Variants in SORBS2 observed in about 807,000 individuals in gnomAD.
SORBS2 encodes the protein sorbin and SH3 domain containing 2.
A neutral mutation model predicts 97.7 loss-of-function variants in SORBS2; 46 were observed. The observed-to-expected ratio is 0.47, with a 90% CI of 0.37 to 0.60. The LOEUF is 0.60. Among genes scored for constraint, SORBS2 ranks in the 20% least tolerant of loss-of-function variants. The probability of loss-of-function intolerance (pLI) is 0.00; values close to 1 mark genes in which losing one functional copy is unlikely to be tolerated. For synonymous variants in SORBS2, 476 were observed against 473.4 expected (o/e 1.01, Z -0.07); for missense variants, 1,316 against 1,282.3 (o/e 1.03, Z -0.40).
intron 6 of SORBS2, among the ~76,000 whole-genome samples, chr4:185,625,587 A>T (rs562341748): frequency 3.3e-5 from 5 of 152,328 alleles, no homozygotes; most frequent in African/African-American, 1.2e-4. Context: ...AACCCTTTTA[A>T]CTTTTGGCTA....
intron 2 of SORBS2, among the ~76,000 whole-genome samples, chr4:185,721,095 T>TTTTTTC (rs2098510191): frequency 6.9e-6 from 1 of 144,074 alleles, no homozygotes; most frequent in African/African-American, 2.6e-5. Context: ...TTTTTTTTTT[T>TTTTTTC]TTTTTTTTTT....
intron 2 of SORBS2, chr4:185,773,619 T>C (rs894799894): frequency 6.6e-6 from 1 of 152,224 alleles, no homozygotes; most frequent in African/African-American, 2.4e-5. Flanking sequence ...CGTCCTTGAC[T>C]GGGACTTAAA....
intron 2 of SORBS2, among the ~76,000 whole-genome samples, chr4:185,698,475 A>G (rs930851865): frequency 1.3e-5 from 2 of 150,318 alleles, no homozygotes; most frequent in African/African-American, 4.8e-5. Context: ...CCTGGGTGAC[A>G]GAGCAAGACT....
At chr4:185,945,500 G>C (rs981284712) in intron 1 of SORBS2, among the ~76,000 whole-genome samples, 1 of 152,122 alleles carries the variant, frequency 6.6e-6, no homozygotes, top group African/African-American at 2.4e-5. Context: ...GTTATTTCCC[G>C]ATCATTGCAC....
chr4:185,815,919 T>A (rs2099193004), intron 1 of SORBS2, among the ~76,000 whole-genome samples: 1 of 152,232 alleles, frequency 6.6e-6, no homozygotes, highest in Non-Finnish European at 1.5e-5. Context: ...AAAATGAGAA[T>A]AAAAATAGTG....
intron 2 of SORBS2, among the ~76,000 whole-genome samples, chr4:185,714,463 T>C (rs1002112390): frequency 4.1e-5 from 6 of 148,076 alleles, no homozygotes; most frequent in African/African-American, 1.5e-4. Flanking sequence ...CTTTTTTTTT[T>C]CACCTCATCA....
chr4:185,596,327 CG>C (rs1425600657), intron 12 of SORBS2, among the ~76,000 whole-genome samples: 49 of 152,064 alleles, frequency 3.2e-4, no homozygotes, highest in African/African-American at 1.2e-3. Flanking sequence ...TTTTAAAGTC[CG>C]TATATCCCTT....
chr4:185,929,759 C>T (rs906408921), intron 1 of SORBS2, among the ~76,000 whole-genome samples: 5 of 152,150 alleles, frequency 3.3e-5, no homozygotes, highest in Non-Finnish European at 7.3e-5. Context: ...TGGTCTCGAT[C>T]TCTTGACCTC....
chr4:185,734,328 G>A (rs1457350150), intron 2 of SORBS2, among the ~76,000 whole-genome samples, 174 bp from the exon 3 acceptor site: 1 of 152,106 alleles, frequency 6.6e-6, no homozygotes, highest in African/African-American at 2.4e-5. Flanking sequence ...AAGGAAACTG[G>A]GTGGATACTT....
chr4:185,888,539 C>A (rs192362900), intron 1 of SORBS2, among the ~76,000 whole-genome samples: 6 of 152,312 alleles, frequency 3.9e-5, no homozygotes, highest in Non-Finnish European at 2.9e-5. Flanking sequence ...AGAATAATTT[C>A]TTTTACTTTT....
At chr4:185,815,763 T>A (rs1422048623) in intron 1 of SORBS2, among the ~76,000 whole-genome samples, 3 of 152,212 alleles carry the variant, frequency 2.0e-5, no homozygotes, top group African/African-American at 4.8e-5. Context: ...CATCTGTGTA[T>A]CATCTATGGA....
chr4:185,842,898 G>A (rs1182721287), intron 1 of SORBS2, among the ~76,000 whole-genome samples: 1 of 140,202 alleles, frequency 7.1e-6, no homozygotes, highest in African/African-American at 2.7e-5. Flanking sequence ...TCACACCACT[G>A]TACTCCAGCC....
intron 4 of SORBS2, among the ~76,000 whole-genome samples, chr4:185,640,672 T>C (rs1298640057): frequency 6.6e-6 from 1 of 152,212 alleles, no homozygotes; most frequent in African/African-American, 2.4e-5. Flanking sequence ...ATTGAGATTT[T>C]AATGTCCATA....
chr4:185,793,042 CTG>C (rs2099088497), intron 1 of SORBS2, among the ~76,000 whole-genome samples: 1 of 152,232 alleles, frequency 6.6e-6, no homozygotes, highest in South Asian at 2.1e-4. Flanking sequence ...GCCTGACACA[CTG>C]TGCATTGAAT....
intron 1 of SORBS2, among the ~76,000 whole-genome samples, chr4:185,903,893 T>A (rs2099249163): frequency 1.3e-5 from 2 of 152,232 alleles, no homozygotes; most frequent in African/African-American, 4.8e-5. Context: ...GGATAATTAC[T>A]GTGGCATTCT....
At chr4:185,615,130 A>G in exon 10 of SORBS2, 2 of 1,612,392 alleles carry the variant, frequency 1.2e-6, no homozygotes, top group Non-Finnish European at 1.7e-6. Context: ...GAGGATGTAG[A>G]CAGTATCTCC....
At chr4:185,812,626 G>A (rs1323041938) in intron 1 of SORBS2, among the ~76,000 whole-genome samples, 4 of 152,136 alleles carry the variant, frequency 2.6e-5, no homozygotes, top group Non-Finnish European at 4.4e-5. Context: ...AGCTGCAAAC[G>A]GGAGAGTTAC....
rs776660848 is a variant in SORBS2, at chr4:185,620,056, T to G, written c.2304+7A>C. 1 of 1,568,640 alleles carries G rather than the reference T, an allele frequency of 6.4e-7. No homozygotes were observed. Among genetic ancestry groups the G allele is most frequent in the South Asian group, 1.1e-5 (1 of 90,202 alleles). The stretch of plus-strand genomic sequence containing the variant: ...GTGAAAGACTCCAATGCTATTAAAT[T>G]AACTACCTCTTTTTCTGGAGTTCCT... On this transcript the variant is annotated splice_region_variant and intron_variant, in intron 8 of 14. Coordinates refer to ENST00000418609, the Ensembl canonical transcript of SORBS2.
chr4:185,679,530 C>T (rs541524063), intron 2 of SORBS2, among the ~76,000 whole-genome samples: 3 of 152,202 alleles, frequency 2.0e-5, no homozygotes, highest in South Asian at 2.1e-4. Flanking sequence ...TTATATATTC[C>T]AAAATCTTCT....
Sources: gnomAD v4.1 joint callset for allele counts (sites outside exome capture counted in the v4.1 genomes callset) on GRCh38, gnomAD v4.1.1 for gene constraint, MANE v1.5 for transcripts, NCBI Gene and HGNC (gene_info 2026-07-23, HGNC 2026-07-21) for gene names.